Variants in TSHZ1 observed in about 807,000 individuals in gnomAD.
TSHZ1 encodes the protein teashirt zinc finger homeobox 1, also known as teashirt homolog 1.
A neutral mutation model predicts 67.1 loss-of-function variants in TSHZ1; 12 were observed. That is an observed-to-expected ratio of 0.18 (90% confidence interval 0.11 to 0.29). The LOEUF (loss-of-function observed/expected upper bound fraction) is 0.29, where lower values mean the gene tolerates loss of function less well. Ranked by LOEUF, TSHZ1 falls within the 10% of genes least tolerant of loss-of-function variation. TSHZ1 has a pLI of 1.00. For synonymous variants in TSHZ1, 632 were observed against 622.4 expected (o/e 1.02, Z -0.23); for missense variants, 1,305 against 1,413.9 (o/e 0.92, Z 1.23).
At chr18:75,277,254 G>A (rs1196318891) in intron 1 of TSHZ1, among the ~76,000 whole-genome samples, 1 of 152,186 alleles carries the variant, frequency 6.6e-6, no homozygotes, top group African/African-American at 2.4e-5. Flanking sequence ...GCTGGGATGG[G>A]CATATCATCA....
intron 1 of TSHZ1, among the ~76,000 whole-genome samples, chr18:75,233,214 C>T (rs985708532): frequency 1.6e-4 from 24 of 152,280 alleles, no homozygotes; most frequent in African/African-American, 5.5e-4. Flanking sequence ...CAGTCTGCTC[C>T]GTTATCTCTT....
Position 75,288,798 on chromosome 18 carries a change from C to G in TSHZ1, c.*157C>G, listed in dbSNP as rs991967394. On this transcript the variant is annotated 3_prime_UTR_variant, in exon 2 of 2. Coordinates refer to ENST00000580243, the MANE Select transcript of TSHZ1 (RefSeq NM_001308210.2). This position sits in a 1 kb window ranked among gnomAD's most constrained non-coding sequence, Gnocchi z 4.9. Reference sequence around the variant, plus strand: ...CATATTTTGTATATTTATATGCTCTCTGTCCGATCTGTGCATGTTATTTTT... The same window carrying G: ...CATATTTTGTATATTTATATGCTCTGTGTCCGATCTGTGCATGTTATTTTT... 2 of 1,209,374 alleles carry G rather than the reference C, an allele frequency of 1.7e-6. No homozygotes were observed. Among genetic ancestry groups the G allele is most frequent in the South Asian group, 3.7e-5 (2 of 53,646 alleles). The allele number at this position is 1,209,374 out of a possible 1,614,324, so 74.9% of individuals were successfully genotyped here. A position where few individuals can be genotyped will look rare whatever the true frequency, so the allele number is the denominator to read the frequency against.
intron 1 of TSHZ1, among the ~76,000 whole-genome samples, chr18:75,218,908 A>T (rs1362688429): frequency 6.7e-6 from 1 of 149,914 alleles, no homozygotes; most frequent in African/African-American, 2.5e-5. Flanking sequence ...TGGTCGAAAG[A>T]ATGGTGAACA....
chr18:75,271,433 C>A (rs1301935124), intron 1 of TSHZ1, among the ~76,000 whole-genome samples: 1 of 152,184 alleles, frequency 6.6e-6, no homozygotes, highest in African/African-American at 2.4e-5. Flanking sequence ...CTCAAGGATG[C>A]AAATGAAGAG....
chr18:75,284,716 G>GT (rs2023729023), intron 1 of TSHZ1: 1 of 152,360 alleles, frequency 6.6e-6, no homozygotes, highest in Non-Finnish European at 1.5e-5. Flanking sequence ...GCTGCAGTGC[G>GT]TGTCAGAACT....
At chr18:75,236,134 T>C (rs1041657101) in intron 1 of TSHZ1, among the ~76,000 whole-genome samples, 2 of 152,116 alleles carry the variant, frequency 1.3e-5, no homozygotes, top group African/African-American at 4.8e-5. Context: ...TGTGTAACAT[T>C]TGTGGGGTGC....
At chr18:75,273,354 C>T (rs2023580226) in intron 1 of TSHZ1, among the ~76,000 whole-genome samples, 1 of 152,116 alleles carries the variant, frequency 6.6e-6, no homozygotes, top group Non-Finnish European at 1.5e-5. Flanking sequence ...TTGCTCAGAG[C>T]CAGTGTTATT....
At chr18:75,244,164 G>A (rs904832955) in intron 1 of TSHZ1, among the ~76,000 whole-genome samples, 3 of 152,170 alleles carry the variant, frequency 2.0e-5, no homozygotes, top group Non-Finnish European at 4.4e-5. Flanking sequence ...TAGGCATCGT[G>A]CTCGGAGTTC....
chr18:75,261,108 G>A (rs771202354), intron 1 of TSHZ1, among the ~76,000 whole-genome samples: 6 of 151,852 alleles, frequency 4.0e-5, no homozygotes, highest in Non-Finnish European at 5.9e-5. Context: ...GTCCAGTTCC[G>A]CGATGTACCC....
chr18:75,287,019 G>A lies in TSHZ1; in HGVS notation c.1612G>A (p.Glu538Lys). 6.2e-7 allele frequency: 1 copy of A among 1,614,004 alleles called. No homozygotes were observed. Among genetic ancestry groups the A allele is most frequent in the Non-Finnish European group, 8.5e-7 (1 of 1,179,988 alleles). The change falls in exon 2 of 2, where the codon GAG becomes AAG. Residue 538 changes from glutamate (E) to lysine (K), a missense_variant. Transcript: ENST00000580243. This position sits in a 1 kb window ranked among gnomAD's most constrained non-coding sequence, Gnocchi z 5.0. Reference protein sequence around the residue: ...EPSTLYPYLREEDLDDSPKGG... With the variant: ...EPSTLYPYLRKEDLDDSPKGG... ...CAGCACCCTGTACCCGTACCTGCGT[G>A]AGGAGGACCTGGACGACAGCCCCAA...
intron 1 of TSHZ1, chr18:75,283,120 A>C (rs973393740): frequency 6.6e-6 from 1 of 152,372 alleles, no homozygotes; most frequent in Middle Eastern, 3.2e-3. Context: ...CAAGGCCAGC[A>C]CATGCTCAGG....
intron 1 of TSHZ1, among the ~76,000 whole-genome samples, chr18:75,272,108 C>T (rs959009910): frequency 2.6e-5 from 4 of 152,170 alleles, no homozygotes; most frequent in East Asian, 1.9e-4. Flanking sequence ...GAAATCATCT[C>T]GACAGAGCAG....
intron 1 of TSHZ1, among the ~76,000 whole-genome samples, chr18:75,231,459 C>G (rs552432261): frequency 6.6e-6 from 1 of 152,316 alleles, no homozygotes; most frequent in South Asian, 2.1e-4. Context: ...GCATTGTTGA[C>G]CCCAAGAAGA....
chr18:75,245,506 TAAAAG>T (rs2023210751), intron 1 of TSHZ1: 1 of 152,194 alleles, frequency 6.6e-6, no homozygotes. Context: ...GGAGCTCTCT[TAAAAG>T]GAAAAGGTCA....
intron 1 of TSHZ1, among the ~76,000 whole-genome samples, chr18:75,273,966 C>T (rs994713022): frequency 5.9e-5 from 9 of 152,216 alleles, no homozygotes; most frequent in African/African-American, 2.2e-4. Context: ...CGCGTGCACT[C>T]TCGCACACCC....
intron 1 of TSHZ1, among the ~76,000 whole-genome samples, chr18:75,225,388 G>A (rs1353676550): frequency 6.6e-6 from 1 of 152,224 alleles, no homozygotes. Context: ...CGTGGAGCTC[G>A]CGGGAGAGTT....
At chr18:75,257,626 A>G (rs546855077) in intron 1 of TSHZ1, among the ~76,000 whole-genome samples, 1 of 152,148 alleles carries the variant, frequency 6.6e-6, no homozygotes, top group Non-Finnish European at 1.5e-5. Flanking sequence ...ACAGAAAAAA[A>G]AAAAGGCTGG....
At chr18:75,268,914 C>T (rs552029266) in intron 1 of TSHZ1, among the ~76,000 whole-genome samples, 74 of 152,248 alleles carry the variant, frequency 4.9e-4, no homozygotes, top group African/African-American at 1.5e-3. Context: ...ACCCCATTTT[C>T]CTCTCTTTAT....
At chr18:75,273,452 T>C (rs1041829465) in intron 1 of TSHZ1, among the ~76,000 whole-genome samples, 7 of 152,230 alleles carry the variant, frequency 4.6e-5, no homozygotes, top group African/African-American at 1.7e-4. Flanking sequence ...TAAAAATGAC[T>C]GTTGACTAGA....
Sources: gnomAD v4.1 joint callset for allele counts (sites outside exome capture counted in the v4.1 genomes callset) on GRCh38, gnomAD v4.1.1 for gene constraint, Gnocchi (gnomAD v3.1) non-coding constraint, MANE v1.5 for transcripts, NCBI Gene and HGNC (gene_info 2026-07-23, HGNC 2026-07-21) for gene names.